The following MYO16 variants were observed in gnomAD, a reference collection of about 807,000 sequenced individuals.
MYO16 encodes the protein myosin XVI.
In MYO16, 94 loss-of-function variants were observed where a neutral mutation model predicts 205.3. That is an observed-to-expected ratio of 0.46 (90% CI 0.39 to 0.54). The LOEUF is 0.54. Among genes scored for constraint, MYO16 ranks in the 20% least tolerant of loss-of-function variants. The pLI is 0.00. For missense variants in MYO16, 2,315 were observed against 2,387.5 expected (o/e 0.97, Z 0.63); for synonymous variants, 988 against 954.0 (o/e 1.04, Z -0.66).
chr13:108,569,981 C>T, the MYO16 span, among the ~76,000 whole-genome samples: 2,306 of 152,132 alleles, frequency 0.015, 46 homozygotes, highest in East Asian at 0.061. Context: ...AGAATAAATC[C>T]TAATTGGCCA....
Position 109,124,469 on chromosome 13 carries a change from G to A in MYO16, c.3536-643G>A, listed in dbSNP as rs1025435395. 2.8e-4 allele frequency among the ~76,000 whole-genome samples: 43 copies of A among 152,096 alleles called. 1 individual carries two copies. The highest frequency in any genetic ancestry group is 2.8e-3 in the Admixed American group (42 of 15,270). On this transcript the variant is annotated intron_variant, in intron 29 of 34. Coordinates refer to ENST00000457511, the MANE Select transcript of MYO16 (RefSeq NM_001198950.3). ...ATGACGCAATAGAGTGTCTTACAGA[G>A]GTCCCTTTAAATGGTGGTCTTTTAT...
chr13:108,727,409 AT>A, intron 3 of MYO16, 30 bp from the exon 4 acceptor site: 2 of 1,601,242 alleles, frequency 1.2e-6, no homozygotes, highest in Non-Finnish European at 1.7e-6. Context: ...GTTTGTAATA[AT>A]TTGATATTTC....
intron 27 of MYO16, among the ~76,000 whole-genome samples, chr13:109,085,493 G>A (rs970835533): frequency 6.6e-6 from 1 of 152,206 alleles, no homozygotes. Context: ...GGGGATGTGA[G>A]AGGATGGATG....
chr13:108,778,072 C>G (rs1194617007), intron 4 of MYO16, among the ~76,000 whole-genome samples: 1 of 152,186 alleles, frequency 6.6e-6, no homozygotes, highest in African/African-American at 2.4e-5. Flanking sequence ...CTTGATGAGT[C>G]AGCGGCCTCC....
At chr13:108,901,133 C>A (rs1880686531) in intron 15 of MYO16, among the ~76,000 whole-genome samples, 1 of 152,168 alleles carries the variant, frequency 6.6e-6, no homozygotes, top group South Asian at 2.1e-4. Flanking sequence ...TTATCAATGA[C>A]AATGGGTGCC....
chr13:108,712,812 T>G, intron 3 of MYO16, 81 bp downstream of exon 3: 1 of 1,028,284 alleles, frequency 9.7e-7, no homozygotes, highest in Admixed American at 2.5e-5. Context: ...AGGAACGAAA[T>G]GTACATCTCA....
chr13:108,732,204 G>GAGACTGTGCAGGCCAGAT (rs1442090446), intron 4 of MYO16, among the ~76,000 whole-genome samples: 2 of 152,206 alleles, frequency 1.3e-5, no homozygotes, highest in Non-Finnish European at 2.9e-5. Flanking sequence ...ATGGGCCAGA[G>GAGACTGTGCAGGCCAGAT]AGACTGTGCA....
intron 2 of MYO16, among the ~76,000 whole-genome samples, chr13:108,670,014 A>C (rs1881917333): frequency 6.6e-6 from 1 of 152,210 alleles, no homozygotes; most frequent in Non-Finnish European, 1.5e-5. Flanking sequence ...TAGGTGCAGC[A>C]AACCACCATG....
At chr13:108,544,550 T>A in the MYO16 span, among the ~76,000 whole-genome samples, 1 of 152,192 alleles carries the variant, frequency 6.6e-6, no homozygotes, top group African/African-American at 2.4e-5. Flanking sequence ...ACTCTTTCAG[T>A]TATTAAAAGA....
chr13:109,177,667 A>G (rs1879267416), intron 33 of MYO16, among the ~76,000 whole-genome samples: 1 of 152,012 alleles, frequency 6.6e-6, no homozygotes, highest in African/African-American at 2.4e-5. Flanking sequence ...ACAGGTGTGC[A>G]CCACCGTGCC....
chr13:108,532,760 C>T, the MYO16 span, among the ~76,000 whole-genome samples: 1 of 151,896 alleles, frequency 6.6e-6, no homozygotes, highest in Admixed American at 6.6e-5. Flanking sequence ...CACTGCACTC[C>T]AGACTGGATG....
chr13:109,165,113 A>G (rs1878588024), intron 33 of MYO16, 54 bp downstream of exon 33: 5 of 1,342,244 alleles, frequency 3.7e-6, no homozygotes, highest in Non-Finnish European at 5.1e-6. Flanking sequence ...GGCTGTATCA[A>G]CTTTCTGGGA....
chr13:109,074,360 A>C (rs172109), intron 27 of MYO16, among the ~76,000 whole-genome samples: 115,799 of 152,084 alleles, frequency 0.76, 44,206 homozygotes, highest in East Asian at 0.89. Flanking sequence ...CTACCTGAGA[A>C]TGGACAATTT....
At chr13:109,158,021 G>A (rs1878159738) in intron 32 of MYO16, among the ~76,000 whole-genome samples, 2 of 152,156 alleles carry the variant, frequency 1.3e-5, no homozygotes, top group East Asian at 3.9e-4. Flanking sequence ...TGTAGGACGT[G>A]AATACCTGTT....
At chr13:108,617,384 G>A (rs1879385174) in intron 1 of MYO16, among the ~76,000 whole-genome samples, 1 of 152,092 alleles carries the variant, frequency 6.6e-6, no homozygotes, top group Non-Finnish European at 1.5e-5. Flanking sequence ...TTCCTTCTAT[G>A]CATTCTGCAG....
intron 12 of MYO16, among the ~76,000 whole-genome samples, chr13:108,880,676 TGTGTG>T (rs1879569338): frequency 6.6e-6 from 1 of 152,148 alleles, no homozygotes; most frequent in Admixed American, 6.5e-5. Flanking sequence ...TGGTTGTAGA[TGTGTG>T]GTATTATTTC....
intron 4 of MYO16, among the ~76,000 whole-genome samples, chr13:108,757,382 C>A (rs548448071): frequency 3.3e-5 from 5 of 152,108 alleles, no homozygotes; most frequent in African/African-American, 4.8e-5. Context: ...TCTAACATAT[C>A]CTTGATGGTT....
At chr13:109,199,602 A>G (rs1880323914) in intron 34 of MYO16, among the ~76,000 whole-genome samples, 1 of 152,180 alleles carries the variant, frequency 6.6e-6, no homozygotes. Context: ...AGATACCACT[A>G]TGGCATCCTT....
chr13:109,159,860 G>A (rs112970748), intron 32 of MYO16, among the ~76,000 whole-genome samples: 1,799 of 152,346 alleles, frequency 0.012, 35 homozygotes, highest in African/African-American at 0.04. Context: ...GGGGGGCTGG[G>A]GCCCAAGGCC....
Sources: allele counts gnomAD v4.1 joint callset (sites outside exome capture counted in the v4.1 genomes callset), GRCh38; gene constraint gnomAD v4.1.1; transcripts MANE v1.5; gene names NCBI Gene and HGNC (gene_info 2026-07-23, HGNC 2026-07-21).